HMMR: variants seen among roughly 807,000 people sequenced by gnomAD.
The protein encoded by HMMR is intracellular hyaluronic acid-binding protein.
HMMR carries 108 observed loss-of-function variants against 101.0 expected under a neutral mutation model. That is an observed-to-expected ratio of 1.07 (90% CI 0.92 to 1.25). The LOEUF (loss-of-function observed/expected upper bound fraction) is 1.25. Ranked by LOEUF, HMMR falls within the 50% of genes most tolerant of loss-of-function variation. HMMR has a pLI of 0.00. For synonymous variants in HMMR, 296 were observed against 276.4 expected, an observed-to-expected ratio of 1.07 and a Z score of -0.70; for missense variants, 813 against 788.7, an observed-to-expected ratio of 1.03 and a Z score of -0.37.
At chr5:163,477,512 A>G in intron 11 of HMMR, among the ~76,000 whole-genome samples, 1 of 152,166 alleles carries the variant, frequency 6.6e-6, no homozygotes, top group East Asian at 1.9e-4. Context: ...AACAATACAA[A>G]ATTGTAATTA....
chr5:163,471,853 G>A (rs1208529509), intron 7 of HMMR, among the ~76,000 whole-genome samples: 5 of 151,890 alleles, frequency 3.3e-5, no homozygotes, highest in Non-Finnish European at 4.4e-5. Context: ...TATTCAGTTT[G>A]GTGACTTTAG....
chr5:163,483,934 G>T, intron 15 of HMMR, 135 bp from the exon 16 acceptor site: 1 of 535,652 alleles, frequency 1.9e-6, no homozygotes, highest in Non-Finnish European at 3.3e-6. Context: ...GAGAATCTAT[G>T]GAGAGCCCTG....
chr5:163,477,877 A>G (rs1012268038), intron 11 of HMMR, among the ~76,000 whole-genome samples: 1 of 152,184 alleles, frequency 6.6e-6, no homozygotes, highest in Non-Finnish European at 1.5e-5. Context: ...TTTTTATTAT[A>G]AACTCTTTAG....
intron 12 of HMMR, among the ~76,000 whole-genome samples, chr5:163,480,056 T>G (rs1238709813): frequency 3.3e-5 from 5 of 152,174 alleles, no homozygotes; most frequent in African/African-American, 1.2e-4. Context: ...GTACATAAAC[T>G]GTAGAGCTTG....
Position 163,473,450 on chromosome 5 carries a change from A to G in HMMR, c.797A>G (p.Asn266Ser), listed in dbSNP as rs376849579. Residue 266 changes from asparagine to serine, a missense_variant, in exon 9 of 18, where the codon AAT becomes AGT. Coordinates refer to ENST00000393915, the MANE Select transcript of HMMR (RefSeq NM_001142556.2). ...AQLEENLKEK[N>S]DEILSLKQSL... ...TTAGAAGAAAATTTGAAAGAGAAGA[A>G]TGATGAAATTTTAAGCCTTAAGCAG... 1.1e-5 allele frequency: 18 copies of G among 1,609,176 alleles called. No homozygotes were observed. The highest frequency in any genetic ancestry group is 2.7e-5 in the African/African-American group (2 of 74,798).
At chr5:163,479,123 A>G (rs1349969831) in intron 12 of HMMR, among the ~76,000 whole-genome samples, 1 of 152,150 alleles carries the variant, frequency 6.6e-6, no homozygotes, top group East Asian at 1.9e-4. Flanking sequence ...ACTTAGAAGC[A>G]TTTGGTGCTT....
At chr5:163,487,833 G>A (rs1263997227) in intron 16 of HMMR, among the ~76,000 whole-genome samples, 1 of 150,970 alleles carries the variant, frequency 6.6e-6, no homozygotes, top group Admixed American at 6.6e-5. Context: ...TTTTAGTGGA[G>A]AAAGAACTTT....
chr5:163,477,236 G>T (rs542954678), intron 11 of HMMR, among the ~76,000 whole-genome samples: 2 of 152,276 alleles, frequency 1.3e-5, no homozygotes, highest in Admixed American at 6.5e-5. Context: ...ACACAGGTTA[G>T]TGACAAACAC....
rs1455643110 is a variant in HMMR, at chr5:163,491,107, T to C, written c.2126-5T>C. ...ACTAATCCTTCTTTTCAATAATTCT[T>C]CTAGGCAATACAAACTGTTACCGAG... On this transcript the variant is annotated splice_polypyrimidine_tract_variant and splice_region_variant and intron_variant, in intron 17 of 17. Coordinates refer to ENST00000393915, the MANE Select transcript of HMMR (RefSeq NM_001142556.2). The C allele has an allele frequency of 6.5e-7, 1 of 1,533,186 alleles. No homozygotes were observed. 95.0% of individuals were successfully genotyped at this position (1,533,186 alleles called of 1,614,324 possible). A position where few individuals can be genotyped will look rare whatever the true frequency, so the allele number is the denominator to read the frequency against.
At chr5:163,478,882 A>T in intron 12 of HMMR, 82 bp downstream of exon 12, 1 of 772,112 alleles carries the variant, frequency 1.3e-6, no homozygotes, top group Non-Finnish European at 2.3e-6. Flanking sequence ...TGAGCAAAGC[A>T]GTCACACAAA....
chr5:163,484,951 TTA>T (rs1165704019), intron 16 of HMMR, among the ~76,000 whole-genome samples: 1 of 152,212 alleles, frequency 6.6e-6, no homozygotes, highest in African/African-American at 2.4e-5. Context: ...GGAGAGTACT[TTA>T]TTTTTTTTAT....
At position 163,491,299 on chromosome 5, in the gene HMMR, A is replaced by G. The variant is rs1235070181; in HGVS notation, c.*135A>G. 2 of 530,916 alleles carry G rather than the reference A, an allele frequency of 3.8e-6. No homozygotes were observed. The highest frequency in any genetic ancestry group is 3.8e-5 in the Admixed American group (1 of 26,488). The allele number at this position is 530,916 out of a possible 1,614,324, so 32.9% of individuals were successfully genotyped here. On this transcript the variant is annotated 3_prime_UTR_variant, in exon 18 of 18. Transcript: ENST00000393915. ...CAATCCTTAAATATGTGAAAGGAAC[A>G]TTTTTTACCAAAGTGTCTTTTGACA... is the stretch of plus-strand genomic sequence containing the variant.
Position 163,473,478 on chromosome 5 carries a change from T to C in HMMR, c.825T>C (p.Ser275=). ...ATGAAATTTTAAGCCTTAAGCAGTC[T>C]CTTGAGGAGAATATTGTTATATTAT... The part of the protein sequence containing the change: ...KNDEILSLKQ[S]LEENIVILSK... Residue 275 remains serine (S), a synonymous_variant, in exon 9 of 18, where the codon TCT becomes TCC. Transcript: ENST00000393915. The C allele has an allele frequency of 6.3e-7, 1 of 1,598,658 alleles. No individual in the cohort carries two copies. The highest frequency in any genetic ancestry group is 8.6e-7 in the Non-Finnish European group (1 of 1,167,804).
rs1194805235 is a variant in HMMR at position 163,490,474 on chromosome 5, A to G, written c.2047A>G (p.Ile683Val). ...LQEELNKVLG[I>V]KHFDPSKAFH... Reference sequence around the variant, plus strand: ...AGAGGAATTGAATAAAGTTCTAGGTATCAAACACTTTGATCCTTCAAAGGC... The same window carrying G: ...AGAGGAATTGAATAAAGTTCTAGGTGTCAAACACTTTGATCCTTCAAAGGC... Residue 683 changes from isoleucine to valine, a missense_variant, in exon 17 of 18, where the codon ATC becomes GTC. Transcript: ENST00000393915. 1.9e-6 allele frequency: 3 copies of G among 1,602,926 alleles called. No homozygotes were observed. The highest frequency in any genetic ancestry group is 4.5e-5 in the East Asian group (2 of 44,788).
chr5:163,473,173 T>C lies in HMMR; in HGVS notation c.651-6T>C, dbSNP rs746949049. On this transcript the variant is annotated splice_polypyrimidine_tract_variant and splice_region_variant and intron_variant, in intron 7 of 17. Transcript: ENST00000393915. Reference sequence around the variant, plus strand: ...AATGTATTAACATATGCAATTTTTGTTTTAGTGTTTCAATAGAGAAAGAAA... The same window carrying C: ...AATGTATTAACATATGCAATTTTTGCTTTAGTGTTTCAATAGAGAAAGAAA... 2 of 1,427,098 alleles carry C rather than the reference T, an allele frequency of 1.4e-6. No individual in the cohort carries two copies. The highest frequency in any genetic ancestry group is 2.0e-6 in the Non-Finnish European group (2 of 1,018,106). The allele number at this position is 1,427,098 out of a possible 1,614,324, so 88.4% of individuals were successfully genotyped here.
At chr5:163,465,015 G>T in intron 3 of HMMR, 2 of 502,806 alleles carry the variant, frequency 4.0e-6, no homozygotes, top group South Asian at 3.2e-5. Context: ...CAATTATAAT[G>T]GTCTTCAATT....
chr5:163,468,571 A>G (rs2113465471), intron 4 of HMMR, among the ~76,000 whole-genome samples: 1 of 152,328 alleles, frequency 6.6e-6, no homozygotes, highest in Admixed American at 6.5e-5. Flanking sequence ...GCTTTCAACC[A>G]AGAGTATGTC....
Position 163,483,296 on chromosome 5 carries a change from G to A in HMMR, c.1714G>A (p.Glu572Lys). The change falls in exon 15 of 18, where the codon GAA becomes AAA. Residue 572 changes from glutamate to lysine, a missense_variant. Transcript: ENST00000393915. ...RKAEKENTTA[E>K]LTEEINKWRL... The stretch of plus-strand genomic sequence containing the variant: ...AGCTGAAAAAGAAAATACAACAGCA[G>A]AATTAACTGAAGAAATTAACAAGTG... 1 of 1,609,680 alleles carries A rather than the reference G, an allele frequency of 6.2e-7. No homozygotes were observed.
At chr5:163,460,812 G>A in intron 1 of HMMR, 74 bp downstream of exon 1, 1 of 1,397,000 alleles carries the variant, frequency 7.2e-7, no homozygotes, top group East Asian at 2.4e-5. Flanking sequence ...CCCTTCTTGG[G>A]AGGCAAGCAG....
Sources: allele counts gnomAD v4.1 joint callset (sites outside exome capture counted in the v4.1 genomes callset), GRCh38; gene constraint gnomAD v4.1.1; transcripts MANE v1.5; gene names NCBI Gene and HGNC (gene_info 2026-07-23, HGNC 2026-07-21).